MCC: variants seen among roughly 807,000 people sequenced by gnomAD.
MCC encodes the protein colorectal mutant cancer protein.
Under a neutral mutation model 116.2 loss-of-function variants are expected in MCC, and 90 were observed. That is an observed-to-expected ratio of 0.77 (90% confidence interval 0.65 to 0.92). The LOEUF is 0.92. MCC is among the 40% of genes least tolerant of loss of function. The pLI, the probability that MCC is intolerant of heterozygous loss-of-function variation, is 0.00. For missense variants in MCC, 1,516 were observed against 1,312.2 expected (o/e 1.16, Z -2.40); for synonymous variants, 578 against 510.5 (o/e 1.13, Z -1.78).
chr5:113,463,705 GT>G (rs1771816424), intron 1 of MCC, among the ~76,000 whole-genome samples: 1 of 152,182 alleles, frequency 6.6e-6, no homozygotes, highest in African/African-American at 2.4e-5. Context: ...GGGTCAATTA[GT>G]TATGCAAGTC....
intron 3 of MCC, among the ~76,000 whole-genome samples, chr5:113,163,354 G>A (rs1760600814): frequency 6.6e-6 from 1 of 152,152 alleles, no homozygotes; most frequent in Non-Finnish European, 1.5e-5. Flanking sequence ...ATAATCCTAA[G>A]TTGTCACCAA....
chr5:113,196,388 G>A (rs58899107), intron 3 of MCC, among the ~76,000 whole-genome samples: 27,078 of 152,002 alleles, frequency 0.18, 2,481 homozygotes, highest in African/African-American at 0.2. Context: ...ACCTGGAGAG[G>A]TCATGTCTCA....
chr5:113,437,394 AT>A (rs1472188526), intron 1 of MCC, among the ~76,000 whole-genome samples: 2 of 152,078 alleles, frequency 1.3e-5, no homozygotes, highest in African/African-American at 2.4e-5. Flanking sequence ...AAAAAAATTC[AT>A]TTTCCTCCAT....
intron 2 of MCC, among the ~76,000 whole-genome samples, chr5:113,383,007 G>T (rs1769162107): frequency 6.6e-6 from 1 of 152,082 alleles, no homozygotes; most frequent in Non-Finnish European, 1.5e-5. Context: ...AGGATGAAAG[G>T]GTATTGTTTT....
rs370128207 is a variant in MCC, at chr5:113,064,013, C to G, written c.2184G>C (p.Trp728Cys). The G allele has an allele frequency of 3.0e-5, 49 of 1,613,612 alleles. No homozygotes were observed. The highest frequency in any genetic ancestry group is 4.1e-5 in the Non-Finnish European group (48 of 1,179,916). Residue 728 changes from tryptophan (W) to cysteine (C), a missense_variant, in exon 14 of 19, where the codon TGG becomes TGC. Coordinates refer to ENST00000408903, the MANE Select transcript of MCC (RefSeq NM_001085377.2). ...FAVAGCSVQP[W>C]ESLSSNSHTS... ...TGTGGCTGTTGGAGGAAAGGCTCTCCCAGGGCTGCACGCTGCAGCCGGCCA... is the reference window on the plus strand; with the variant it reads ...TGTGGCTGTTGGAGGAAAGGCTCTCGCAGGGCTGCACGCTGCAGCCGGCCA...
chr5:113,103,834 C>T (rs1043880131), intron 7 of MCC, among the ~76,000 whole-genome samples: 2 of 152,138 alleles, frequency 1.3e-5, no homozygotes, highest in Admixed American at 6.5e-5. Context: ...ATTCTAGAGG[C>T]CTTAGAGCTT....
intron 17 of MCC, among the ~76,000 whole-genome samples, chr5:113,036,917 C>T (rs548560697): frequency 2.2e-4 from 34 of 152,322 alleles, no homozygotes; most frequent in African/African-American, 8.2e-4. Flanking sequence ...CTAATGAAGC[C>T]ACAGGCACAC....
At chr5:113,410,014 A>C (rs1480269469) in intron 1 of MCC, among the ~76,000 whole-genome samples, 2 of 152,228 alleles carry the variant, frequency 1.3e-5, no homozygotes, top group African/African-American at 4.8e-5. Flanking sequence ...AGATACAGAA[A>C]TATAGTTCTA....
Position 113,177,166 on chromosome 5 carries a change from A to T in MCC, c.628-25744T>A, listed in dbSNP as rs574246341. On this transcript the variant is annotated intron_variant, in intron 3 of 18. Coordinates refer to ENST00000408903, the MANE Select transcript of MCC (RefSeq NM_001085377.2). ...GTCCTAGTGGACCCCTCTCCTATGT[A>T]GCCTCCTAGTTCCCATAAAGCTTCT... 3.3e-5 allele frequency among the ~76,000 whole-genome samples: 5 copies of T among 151,990 alleles called. No homozygotes were observed. The South Asian group carries it at 8.3e-4, about 25-fold the overall frequency.
At chr5:113,277,551 A>C (rs1765876529) in intron 3 of MCC, among the ~76,000 whole-genome samples, 1 of 152,178 alleles carries the variant, frequency 6.6e-6, no homozygotes, top group South Asian at 2.1e-4. Context: ...TGTGATGTGA[A>C]CTAATTAAAT....
intron 3 of MCC, among the ~76,000 whole-genome samples, chr5:113,283,376 T>C (rs1025849653): frequency 1.8e-4 from 27 of 152,162 alleles, no homozygotes; most frequent in African/African-American, 6.3e-4. Flanking sequence ...TGAACAGATA[T>C]TTTTCCAAAG....
intron 6 of MCC, among the ~76,000 whole-genome samples, chr5:113,121,744 A>C (rs1221957062): frequency 1.3e-5 from 2 of 152,220 alleles, no homozygotes; most frequent in African/African-American, 4.8e-5. Flanking sequence ...AAACTCAAGA[A>C]AACTGACTAT....
intron 3 of MCC, among the ~76,000 whole-genome samples, chr5:113,228,388 G>A (rs1241426648): frequency 6.6e-6 from 1 of 152,116 alleles, no homozygotes; most frequent in African/African-American, 2.4e-5. Context: ...TGGAGGGAGT[G>A]GTAAGAAGGG....
At chr5:113,376,574 T>TATACACACACACACAC (rs10633405) in intron 2 of MCC, among the ~76,000 whole-genome samples, 193 of 145,880 alleles carry the variant, frequency 1.3e-3, no homozygotes, top group African/African-American at 4.6e-3. Context: ...CCATATTTTA[T>TATACACACACACACAC]ACACACACAC....
intron 2 of MCC, among the ~76,000 whole-genome samples, chr5:113,363,271 G>A (rs76622661): frequency 4.6e-5 from 7 of 152,086 alleles, no homozygotes; most frequent in East Asian, 1.9e-4. Flanking sequence ...GCGAGACTCC[G>A]TCTCAAAAAA....
At chr5:113,067,953 G>GA in intron 13 of MCC, 127 bp downstream of exon 13, 2 of 760,800 alleles carry the variant, frequency 2.6e-6, no homozygotes, top group Non-Finnish European at 4.6e-6. Context: ...GAGGAAAAAC[G>GA]AAAAACACAC....
intron 5 of MCC, among the ~76,000 whole-genome samples, chr5:113,138,272 A>C (rs1031114211): frequency 2.6e-5 from 4 of 152,144 alleles, no homozygotes; most frequent in African/African-American, 9.6e-5. Flanking sequence ...CAGCCTCCCA[A>C]AGTGCTGGGA....
rs139011928 is a variant in MCC at position 113,131,054 on chromosome 5, AG to A, written c.885-8229del. 6.4e-3 allele frequency among the ~76,000 whole-genome samples: 977 copies of A among 152,280 alleles called. 5 individuals carry two copies. The highest frequency in any genetic ancestry group is 1.0e-2 in the Non-Finnish European group (678 of 68,008). ...GAACCACAGTTCAGTTCATAGCAAGAGGGTTTTGGTAAACTGTTGGAGTCAG... is the reference window on the plus strand; with the variant it reads ...GAACCACAGTTCAGTTCATAGCAAGAGGTTTTGGTAAACTGTTGGAGTCAG... On this transcript the variant is annotated intron_variant, in intron 5 of 18. Coordinates refer to ENST00000408903, the MANE Select transcript of MCC (RefSeq NM_001085377.2).
chr5:113,277,754 G>A (rs1286447064), intron 3 of MCC, among the ~76,000 whole-genome samples: 1 of 152,110 alleles, frequency 6.6e-6, no homozygotes, highest in African/African-American at 2.4e-5. Flanking sequence ...TATTTATGTG[G>A]TATATGCGAT....
Sources: gnomAD v4.1 joint callset for allele counts (sites outside exome capture counted in the v4.1 genomes callset) on GRCh38, gnomAD v4.1.1 for gene constraint, MANE v1.5 for transcripts, NCBI Gene and HGNC (gene_info 2026-07-23, HGNC 2026-07-21) for gene names.